The following GLIS3 variants were observed in gnomAD, a reference collection of about 807,000 sequenced individuals.
GLIS3 encodes zinc finger protein GLIS3.
GLIS3 carries 53 observed loss-of-function variants against 78.6 expected under a neutral mutation model. That is an observed-to-expected ratio of 0.67 (90% CI 0.54 to 0.85). GLIS3 has a LOEUF of 0.85. Ranked by LOEUF, GLIS3 falls within the 40% of genes least tolerant of loss-of-function variation. The probability of loss-of-function intolerance (pLI) is 0.00; values close to 1 mark genes in which losing one functional copy is unlikely to be tolerated. For synonymous variants in GLIS3, 684 were observed against 509.9 expected (o/e 1.34, Z -4.60); for missense variants, 1,703 against 1,231.1 (o/e 1.38, Z -5.74).
the GLIS3 span, among the ~76,000 whole-genome samples, chr9:4,353,922 G>A: frequency 6.6e-6 from 1 of 152,026 alleles, no homozygotes; most frequent in African/African-American, 2.4e-5. Flanking sequence ...CAGTCTCCCA[G>A]GTTCACGCCA....
the GLIS3 span, among the ~76,000 whole-genome samples, chr9:4,480,354 G>A: frequency 2.8e-4 from 42 of 151,692 alleles, no homozygotes; most frequent in African/African-American, 9.4e-4. Context: ...ACAGGCATGT[G>A]CCATCACACC....
chr9:4,319,529 T>A (rs1238365998), intron 2 of GLIS3, among the ~76,000 whole-genome samples: 4 of 134,584 alleles, frequency 3.0e-5, no homozygotes, highest in Non-Finnish European at 6.4e-5. Context: ...ATCCAAATAC[T>A]AACACTTTTT....
At chr9:4,361,485 C>T in the GLIS3 span, among the ~76,000 whole-genome samples, 42 of 152,204 alleles carry the variant, frequency 2.8e-4, no homozygotes, top group Non-Finnish European at 4.6e-4. Flanking sequence ...GGGTTGACCC[C>T]GTTCCCTTCC....
chr9:4,118,729 T>C lies in GLIS3; in HGVS notation c.749A>G (p.Asp250Gly). 6.2e-7 allele frequency: 1 copy of C among 1,613,680 alleles called. No homozygotes were observed. Among genetic ancestry groups the C allele is most frequent in the Non-Finnish European group, 8.5e-7 (1 of 1,179,974 alleles). ...TGTCCCGGGAGGAAGGCTAAGGAGA[T>C]CCCCTAGATCAAGGCCATTCTGAGA... The part of the protein sequence containing the change: ...HGSQNGLDLG[D>G]LLSLPPGTSM... Residue 250 changes from aspartate to glycine, a missense_variant, in exon 4 of 11, where the codon GAT becomes GGT. By Grantham distance (94) the Asp-to-Gly change is moderately conservative (BLOSUM62 -1). Transcript: ENST00000381971. The surrounding 1 kb of genome is among the most constrained non-coding windows in gnomAD (Gnocchi z 4.7).
intron 4 of GLIS3, among the ~76,000 whole-genome samples, chr9:4,053,659 G>C (rs1588550648): frequency 7.9e-6 from 1 of 126,588 alleles, no homozygotes; most frequent in Non-Finnish European, 1.6e-5. Flanking sequence ...AGAGCTACAA[G>C]ACAGAGGAAG....
At chr9:4,196,112 A>G (rs981592243) in intron 2 of GLIS3, among the ~76,000 whole-genome samples, 13 of 151,712 alleles carry the variant, frequency 8.6e-5, no homozygotes, top group East Asian at 5.8e-4. Flanking sequence ...TAAATGCACT[A>G]ATCAGTGCTC....
intron 4 of GLIS3, among the ~76,000 whole-genome samples, chr9:4,098,570 C>T (rs950069620): frequency 1.3e-4 from 20 of 152,176 alleles, no homozygotes; most frequent in Non-Finnish European, 1.5e-5. Flanking sequence ...GCCTCTGCAG[C>T]ATTTCTTTCT....
At chr9:3,885,149 A>G (rs1821988029) in intron 7 of GLIS3, among the ~76,000 whole-genome samples, 1 of 152,242 alleles carries the variant, frequency 6.6e-6, no homozygotes, top group Admixed American at 6.5e-5. Flanking sequence ...CTGGTAGGAA[A>G]TGTGCTTTTT....
intron 2 of GLIS3, among the ~76,000 whole-genome samples, chr9:4,251,101 T>C (rs1824328031): frequency 6.6e-6 from 1 of 152,114 alleles, no homozygotes; most frequent in Non-Finnish European, 1.5e-5. Flanking sequence ...AGGTGGAGAG[T>C]TCTGTAAATG....
chr9:4,402,564 A>C, the GLIS3 span, among the ~76,000 whole-genome samples: 1 of 152,226 alleles, frequency 6.6e-6, no homozygotes, highest in African/African-American at 2.4e-5. Context: ...AAACTTGAAG[A>C]AATTTAACAT....
chr9:4,015,951 G>A lies in GLIS3; in HGVS notation c.1711-78762C>T, dbSNP rs1385126423. Among the ~76,000 whole-genome samples the A allele has an allele frequency of 9.3e-5, 14 of 150,620 alleles. No homozygotes were observed. In the East Asian group the frequency reaches 1.4e-3, roughly 15 times the overall value. ...AACAACCGTCATAACCAACCTGGCCGTCATAAATAGGAATTTGGTAAATAC... is the reference window on the plus strand; with the variant it reads ...AACAACCGTCATAACCAACCTGGCCATCATAAATAGGAATTTGGTAAATAC... On this transcript the variant is annotated intron_variant, in intron 4 of 10. Coordinates refer to ENST00000381971, the MANE Select transcript of GLIS3 (RefSeq NM_001042413.2).
intron 1 of GLIS3, among the ~76,000 whole-genome samples, chr9:4,288,673 G>T (rs1828201183): frequency 6.6e-6 from 1 of 152,066 alleles, no homozygotes; most frequent in Non-Finnish European, 1.5e-5. Flanking sequence ...GTCTTGGAAT[G>T]AATATTTATT....
rs77199634 is a variant in GLIS3, at chr9:4,078,514, C to T, written c.1710+39254G>A. 7.1e-4 allele frequency among the ~76,000 whole-genome samples: 108 copies of T among 152,302 alleles called. No homozygotes were observed. The East Asian group carries it at 0.02, about 28-fold the overall frequency. On this transcript the variant is annotated intron_variant, in intron 4 of 10. Transcript: ENST00000381971. The stretch of plus-strand genomic sequence containing the variant: ...AGATCTATGTGGCCCAGTAACAGCT[C>T]AAGCAAAACACAGGAACCACCACAG...
At chr9:4,345,213 C>T (rs950072879) in intron 2 of GLIS3, among the ~76,000 whole-genome samples, 4 of 152,196 alleles carry the variant, frequency 2.6e-5, no homozygotes, top group South Asian at 2.1e-4. Flanking sequence ...TCGTTTCCTA[C>T]CTTTGCCCTT....
chr9:4,066,885 G>A (rs1827145587), intron 4 of GLIS3, among the ~76,000 whole-genome samples: 1 of 152,092 alleles, frequency 6.6e-6, no homozygotes, highest in East Asian at 1.9e-4. Flanking sequence ...CAGTACCCCA[G>A]CGGGCATCTT....
At chr9:4,403,908 C>T in the GLIS3 span, among the ~76,000 whole-genome samples, 3 of 152,020 alleles carry the variant, frequency 2.0e-5, no homozygotes, top group Admixed American at 6.6e-5. Context: ...TGACTAAATG[C>T]TCCAATCAAA....
In GLIS3 at chr9:4,205,559, C is replaced by T. The variant is rs140710476; in HGVS notation, c.389-79618G>A. 4.2e-3 allele frequency among the ~76,000 whole-genome samples: 637 copies of T among 152,274 alleles called. 2 individuals carry two copies. Among genetic ancestry groups the T allele is most frequent in the Non-Finnish European group, 6.2e-3 (421 of 68,020 alleles). On this transcript the variant is annotated intron_variant, in intron 2 of 10. Coordinates refer to ENST00000381971, the MANE Select transcript of GLIS3 (RefSeq NM_001042413.2). Reference sequence around the variant, plus strand: ...GCCTAGTGCTATAAGAGAGGAAAGTCTAGAGGTGGGGGCTTGGAAGGTGAG... The same window carrying T: ...GCCTAGTGCTATAAGAGAGGAAAGTTTAGAGGTGGGGGCTTGGAAGGTGAG...
At chr9:4,042,402 C>T (rs1215538128) in intron 4 of GLIS3, among the ~76,000 whole-genome samples, 4 of 152,204 alleles carry the variant, frequency 2.6e-5, no homozygotes, top group Non-Finnish European at 5.9e-5. Flanking sequence ...CTGAGAGCTG[C>T]TTCCGGTTAA....
intron 2 of GLIS3, among the ~76,000 whole-genome samples, chr9:4,163,063 C>G (rs1289963389): frequency 6.6e-6 from 1 of 152,146 alleles, no homozygotes; most frequent in Non-Finnish European, 1.5e-5. Flanking sequence ...GGGCATCATG[C>G]TAGGGACTCT....
Sources: gnomAD v4.1 joint callset for allele counts (sites outside exome capture counted in the v4.1 genomes callset) on GRCh38, gnomAD v4.1.1 for gene constraint, Gnocchi (gnomAD v3.1) non-coding constraint, MANE v1.5 for transcripts, NCBI Gene and HGNC (gene_info 2026-07-23, HGNC 2026-07-21) for gene names.